Variants in GNS observed in about 807,000 individuals in gnomAD.
GNS encodes N-acetylglucosamine-6-sulfatase.
A neutral mutation model predicts 69.7 loss-of-function variants in GNS; 40 were observed. The ratio of observed to expected loss-of-function variants is 0.57; its 90% CI spans 0.45 to 0.75. The LOEUF (loss-of-function observed/expected upper bound fraction) is 0.75, where lower values mean the gene tolerates loss of function less well. Among genes scored for constraint, GNS ranks in the 30% least tolerant of loss-of-function variants. GNS has a pLI of 0.00. For missense variants in GNS, 565 were observed against 685.5 expected (o/e 0.82, Z 1.96); for synonymous variants, 243 against 251.6 (o/e 0.97, Z 0.32).
intron 5 of GNS, among the ~76,000 whole-genome samples, chr12:64,743,808 G>T (rs573575657): frequency 6.6e-6 from 1 of 152,296 alleles, no homozygotes; most frequent in South Asian, 2.1e-4. Context: ...TTCCACTAGG[G>T]TTTTAATACA....
intron 13 of GNS, among the ~76,000 whole-genome samples, chr12:64,718,746 G>A (rs1868938039): frequency 6.6e-6 from 1 of 152,246 alleles, no homozygotes; most frequent in African/African-American, 2.4e-5. Context: ...AGTTCCCAGA[G>A]TCAGCCAGGG....
rs1255159788 is a variant in GNS, at chr12:64,723,072, C to T, written c.1242G>A (p.Val414=). 1 of 1,612,782 alleles carries T rather than the reference C, an allele frequency of 6.2e-7. No individual in the cohort carries two copies. Among genetic ancestry groups the T allele is most frequent in the East Asian group, 2.2e-5 (1 of 44,882 alleles). The change falls in exon 11 of 14, where the codon GTG becomes GTA. Residue 414 remains valine, a synonymous_variant. Coordinates refer to ENST00000258145, the MANE Select transcript of GNS (RefSeq NM_002076.4). ...CGTTACGGCCTTCTCCTTGGTATTC[C>T]ACCAGGACATCTGATCGCCAGGTCA... ...SNLTWRSDVL[V]EYQGEGRNVT... is the part of the protein sequence containing the mutation.
chr12:64,732,427 C>CA (rs1397512323), intron 9 of GNS, among the ~76,000 whole-genome samples: 2 of 150,860 alleles, frequency 1.3e-5, no homozygotes, highest in Admixed American at 1.3e-4. Context: ...CTCAGCCTCC[C>CA]AAAGTGCTGG....
intron 1 of GNS, among the ~76,000 whole-genome samples, chr12:64,755,571 C>T (rs569885307): frequency 1.2e-4 from 18 of 146,238 alleles, no homozygotes; most frequent in African/African-American, 4.6e-4. Context: ...GAGCAAGACT[C>T]CAACTCAAAA....
intron 2 of GNS, among the ~76,000 whole-genome samples, chr12:64,751,288 TTTTTTCA>T (rs1870069245): frequency 6.6e-6 from 1 of 152,272 alleles, no homozygotes; most frequent in Non-Finnish European, 1.5e-5. Context: ...TTAATTTTTA[TTTTTTCA>T]TTTTTATCTT....
chr12:64,751,299 T>G (rs1299771623), intron 2 of GNS, among the ~76,000 whole-genome samples: 1 of 152,262 alleles, frequency 6.6e-6, no homozygotes, highest in African/African-American at 2.4e-5. Context: ...TTTTTCATTT[T>G]TATCTTGCTG....
Position 64,744,869 on chromosome 12 carries a change from G to T in GNS, c.564C>A (p.Ile188=). The T allele has an allele frequency of 6.5e-7, 1 of 1,548,352 alleles. No homozygotes were observed. Among genetic ancestry groups the T allele is most frequent in the Non-Finnish European group, 8.9e-7 (1 of 1,119,972 alleles). ...NSKYYNYTLS[I]NGKARKHGEN... The stretch of plus-strand genomic sequence containing the variant: ...CACCATGCTTCCGTGCCTTCCCATT[G>T]ATAGACAGGGTGTAATTATAATACT... The change falls in exon 5 of 14, where the codon ATC becomes ATA. Residue 188 remains isoleucine (I), a synonymous_variant. Coordinates refer to ENST00000258145, the MANE Select transcript of GNS (RefSeq NM_002076.4).
intron 1 of GNS, among the ~76,000 whole-genome samples, chr12:64,758,034 G>T (rs972774894): frequency 2.4e-4 from 37 of 152,308 alleles, no homozygotes; most frequent in African/African-American, 7.7e-4. Context: ...CATGTCTTGG[G>T]CAAGTTGCTT....
At chr12:64,735,023 T>C (rs528575188) in intron 9 of GNS, among the ~76,000 whole-genome samples, 4 of 152,172 alleles carry the variant, frequency 2.6e-5, no homozygotes, top group South Asian at 4.1e-4. Flanking sequence ...GGCAGGACAA[T>C]AGCGTGAACC....
chr12:64,748,377 A>AT (rs984204215), intron 2 of GNS, among the ~76,000 whole-genome samples: 2 of 143,152 alleles, frequency 1.4e-5, no homozygotes, highest in African/African-American at 5.2e-5. Flanking sequence ...TTTTTTTTTC[A>AT]TTTTTTTATT....
At position 64,739,168 on chromosome 12, in the gene GNS, T is replaced by C. The variant is rs1347433937; in HGVS notation, c.994+213A>G. ...CTCTGCTCCCACTCCTAGAACACCA[T>C]GTCATCTTGCATGTGAAACAGCAAA... On this transcript the variant is annotated intron_variant, in intron 8 of 13. Transcript: ENST00000258145. Among the ~76,000 whole-genome samples the C allele has an allele frequency of 2.0e-5, 3 of 152,230 alleles. No homozygotes were observed. In the East Asian group the frequency reaches 5.8e-4, roughly 29 times the overall value.
At chr12:64,751,875 C>T (rs1205058686) in intron 2 of GNS, among the ~76,000 whole-genome samples, 1 of 149,892 alleles carries the variant, frequency 6.7e-6, no homozygotes, top group Non-Finnish European at 1.5e-5. Context: ...GTAATCTCAG[C>T]TACCCAGAAG....
chr12:64,744,207 CTGTG>C (rs886444924), intron 5 of GNS, among the ~76,000 whole-genome samples: 12 of 152,294 alleles, frequency 7.9e-5, no homozygotes, highest in African/African-American at 2.9e-4. Context: ...ACACGTAAGA[CTGTG>C]TGTGTTTGTG....
At chr12:64,747,545 T>C (rs1434214892) in intron 3 of GNS, among the ~76,000 whole-genome samples, 167 bp downstream of exon 3, 2 of 152,230 alleles carry the variant, frequency 1.3e-5, no homozygotes, top group Non-Finnish European at 2.9e-5. Context: ...CATGTGTACT[T>C]ATATGAACAT....
chr12:64,759,009 G>A (rs1592514319), intron 1 of GNS, 76 bp downstream of exon 1: 1 of 1,235,046 alleles, frequency 8.1e-7, no homozygotes, highest in East Asian at 2.5e-5. Flanking sequence ...GAGGGTGGTG[G>A]GGACCGGGAA....
chr12:64,727,223 A>G (rs1592495054), intron 10 of GNS, among the ~76,000 whole-genome samples: 1 of 148,686 alleles, frequency 6.7e-6, no homozygotes, highest in East Asian at 2.0e-4. Flanking sequence ...TGAGCCCAGG[A>G]GTTCGAGATC....
chr12:64,724,182 G>A (rs536211132), intron 10 of GNS, among the ~76,000 whole-genome samples: 9 of 152,258 alleles, frequency 5.9e-5, no homozygotes, highest in African/African-American at 1.2e-4. Flanking sequence ...TGATTTCCAC[G>A]CATAGTAAAA....
chr12:64,741,354 C>T (rs1459465607), intron 6 of GNS, among the ~76,000 whole-genome samples: 15 of 151,608 alleles, frequency 9.9e-5, no homozygotes, highest in African/African-American at 3.4e-4. Flanking sequence ...GGCACGATCT[C>T]GGCTCACTGC....
chr12:64,747,971 C>G (rs1040379956), intron 2 of GNS, 53 bp from the exon 3 acceptor site: 2 of 940,988 alleles, frequency 2.1e-6, no homozygotes, highest in Non-Finnish European at 3.5e-6. Flanking sequence ...AGATGGACTT[C>G]TCATCATTGT....
Sources: allele counts gnomAD v4.1 joint callset (sites outside exome capture counted in the v4.1 genomes callset), GRCh38; gene constraint gnomAD v4.1.1; transcripts MANE v1.5; gene names NCBI Gene and HGNC (gene_info 2026-07-23, HGNC 2026-07-21).